Variants in XIST observed in about 807,000 individuals in gnomAD.
The protein encoded by XIST is X inactive specific transcript (non-protein coding).
At chrX:73,847,862 A>G in exon 1 of XIST, 1 of 559,306 alleles carries the variant, frequency 1.8e-6, no homozygotes, top group Non-Finnish European at 3.2e-6. Flanking sequence ...TTGCACATTC[A>G]TAGTCCCAGG....
chrX:73,837,920 T>C (rs982202234), intron 1 of XIST, among the ~76,000 whole-genome samples: 9 of 111,685 alleles, frequency 8.1e-5, no homozygotes, highest in African/African-American at 2.9e-4. Context: ...GTAATTTTGA[T>C]GTTAAAATAT....
chrX:73,828,268 C>G (rs1017561469), intron 5 of XIST: 1 of 269,458 alleles, frequency 3.7e-6, no homozygotes, highest in African/African-American at 2.8e-5. Flanking sequence ...TGCCTGCTAC[C>G]TGATAGTGCT....
At chrX:73,850,728 T>C (rs1369616960) in exon 1 of XIST, 36 of 118,763 alleles carry the variant, frequency 3.0e-4, no homozygotes, top group East Asian at 2.8e-3. Context: ...AGGTGGGGGG[T>C]GGGGGGTGGG....
chrX:73,843,980 C>T (rs1191835955), exon 1 of XIST: 8 of 556,569 alleles, frequency 1.4e-5, no homozygotes, highest in Non-Finnish European at 2.6e-5. Flanking sequence ...AAACAGTATA[C>T]CCCACAGTAA....
chrX:73,825,862 A>G (rs781414185), exon 6 of XIST: 10 of 556,389 alleles, frequency 1.8e-5, no homozygotes, highest in Non-Finnish European at 3.2e-5. Context: ...ATTTAAATCA[A>G]CTTCCCACAT....
intron 3 of XIST, among the ~76,000 whole-genome samples, chrX:73,831,806 A>G (rs1922390404): frequency 8.9e-6 from 1 of 112,231 alleles, no homozygotes; most frequent in African/African-American, 3.2e-5. Flanking sequence ...AGCTATTTTA[A>G]GAACTGAGAA....
exon 1 of XIST, chrX:73,842,613 G>A (rs747839880): frequency 1.8e-6 from 1 of 558,596 alleles, no homozygotes; most frequent in Admixed American, 2.2e-5. Flanking sequence ...TGAAAAATGG[G>A]ACAATCAGTA....
chrX:73,824,450 T>G (rs1234674795), exon 6 of XIST: 1 of 555,851 alleles, frequency 1.8e-6, no homozygotes, highest in African/African-American at 2.2e-5. Context: ...TATTTTTGGC[T>G]GTGGCTAAAT....
Position 73,846,256 on chromosome X carries a change from T to C in XIST, n.6468A>G, listed in dbSNP as rs372516450. On this transcript the variant is annotated non_coding_transcript_exon_variant, in exon 1 of 6. Coordinates refer to ENST00000429829, the Ensembl canonical transcript of XIST. ...GTCTGAGAGTAGGATTTTATTCAGATAGGTTGAGCTGTGTGTAGTTATGCA... is the reference window on the plus strand; with the variant it reads ...GTCTGAGAGTAGGATTTTATTCAGACAGGTTGAGCTGTGTGTAGTTATGCA... 5.4e-6 allele frequency: 3 copies of C among 557,545 alleles called. No homozygotes were observed. In the African/African-American group the frequency reaches 6.7e-5, roughly 12 times the overall value. 45.9% of individuals were successfully genotyped at this position (557,545 alleles called of 1,213,427 possible). A position where few individuals can be genotyped will look rare whatever the true frequency, so the allele number is the denominator to read the frequency against.
exon 1 of XIST, chrX:73,846,934 A>G (rs1258525919): frequency 1.8e-6 from 1 of 559,288 alleles, no homozygotes; most frequent in Admixed American, 2.2e-5. Flanking sequence ...GACAACTGCA[A>G]TTACATGCCA....
exon 6 of XIST, chrX:73,824,449 C>T (rs755346262): frequency 5.2e-5 from 29 of 555,420 alleles, no homozygotes; most frequent in East Asian, 2.6e-4. Flanking sequence ...TTATTTTTGG[C>T]TGTGGCTAAA....
chrX:73,822,338 A>G lies in XIST; in HGVS notation n.17563T>C, dbSNP rs1281071702. On this transcript the variant is annotated non_coding_transcript_exon_variant, in exon 6 of 6. Transcript: ENST00000429829. ...GTGGTAGAAGAGATACGGAGTAGGAATTAAACCACACAATGTTATTTAGGG... is the reference window on the plus strand; with the variant it reads ...GTGGTAGAAGAGATACGGAGTAGGAGTTAAACCACACAATGTTATTTAGGG... The G allele has an allele frequency of 1.6e-5, 9 of 548,472 alleles. No individual in the cohort carries two copies. In the South Asian group the frequency reaches 2.1e-4, roughly 13 times the overall value. The allele number at this position is 548,472 out of a possible 1,213,427, so 45.2% of individuals were successfully genotyped here.
exon 2 of XIST, chrX:73,837,442 AGAG>A: frequency 2.0e-6 from 1 of 495,729 alleles, no homozygotes; most frequent in South Asian, 2.8e-5. Context: ...GTCATTACCA[AGAG>A]GAGCCTAAGG....
At chrX:73,850,151 G>T in exon 1 of XIST, 1 of 558,069 alleles carries the variant, frequency 1.8e-6, no homozygotes, top group Non-Finnish European at 3.2e-6. Flanking sequence ...ATTAGGTCAT[G>T]AAGTTAAATT....
exon 1 of XIST, chrX:73,852,365 A>G (rs984155103): frequency 7.3e-6 from 4 of 545,177 alleles, no homozygotes; most frequent in Admixed American, 7.0e-5. Flanking sequence ...AAAACCAGGT[A>G]TCCGCAGCCC....
rs759048013 is a variant in XIST, at chrX:73,824,060, G to A, written n.15841C>T. On this transcript the variant is annotated non_coding_transcript_exon_variant, in exon 6 of 6. Coordinates refer to ENST00000429829, the Ensembl canonical transcript of XIST. The stretch of plus-strand genomic sequence containing the variant: ...TGTGCCCCCAGTTGTTATCTCTAAG[G>A]ATAAGAGTAATCAATGATCATTCAG... 3 of 555,015 alleles carry A rather than the reference G, an allele frequency of 5.4e-6. No individual in the cohort carries two copies. The Admixed American group carries it at 6.7e-5, about 12-fold the overall frequency. 45.7% of individuals were successfully genotyped at this position (555,015 alleles called of 1,213,427 possible).
At chrX:73,827,310 C>A (rs772264951) in exon 6 of XIST, 33 of 556,239 alleles carry the variant, frequency 5.9e-5, no homozygotes, top group Non-Finnish European at 6.5e-6. Context: ...CGTACACTTG[C>A]CCACATATGC....
chrX:73,833,450 GA>G (rs1347910334), intron 2 of XIST: 7 of 480,857 alleles, frequency 1.5e-5, no homozygotes, highest in African/African-American at 4.8e-5. Flanking sequence ...AAACCCCAAT[GA>G]AAAAAACCTA....
exon 6 of XIST, chrX:73,824,629 T>G (rs908667162): frequency 1.8e-6 from 1 of 552,943 alleles, no homozygotes; most frequent in Admixed American, 2.3e-5. Context: ...ATACCTAGCT[T>G]ACAGAAAGTT....
Sources: allele counts gnomAD v4.1 joint callset (sites outside exome capture counted in the v4.1 genomes callset), GRCh38; gene constraint gnomAD v4.1.1; transcripts MANE v1.5; gene names NCBI Gene and HGNC (gene_info 2026-07-23, HGNC 2026-07-21).